PRKCB: variants seen among roughly 807,000 people sequenced by gnomAD.
PRKCB encodes protein kinase C beta type.
A neutral mutation model predicts 81.5 loss-of-function variants in PRKCB; 13 were observed. The observed-to-expected ratio is 0.16, with a 90% confidence interval of 0.10 to 0.25. The LOEUF is 0.25. Ranked by LOEUF, PRKCB falls within the 10% of genes least tolerant of loss-of-function variation. The pLI, the probability that PRKCB is intolerant of heterozygous loss-of-function variation, is 1.00. For missense variants in PRKCB, 509 were observed against 875.7 expected, an observed-to-expected ratio of 0.58 and a Z score of 5.29; for synonymous variants, 335 against 321.4, an observed-to-expected ratio of 1.04 and a Z score of -0.45.
At chr16:23,994,150 C>A (rs530807086) in intron 3 of PRKCB, among the ~76,000 whole-genome samples, 2 of 152,272 alleles carry the variant, frequency 1.3e-5, no homozygotes, top group East Asian at 1.9e-4. Flanking sequence ...AATGATGAGA[C>A]CTTTTGGGGA....
intron 16 of PRKCB, among the ~76,000 whole-genome samples, chr16:24,205,083 G>A (rs961974992): frequency 1.3e-5 from 2 of 150,464 alleles, no homozygotes; most frequent in South Asian, 4.2e-4. Context: ...TCGTGCCACT[G>A]CACACCAGCC....
intron 5 of PRKCB, among the ~76,000 whole-genome samples, chr16:24,040,040 G>T (rs773791284): frequency 1.3e-5 from 2 of 152,180 alleles, no homozygotes; most frequent in South Asian, 4.1e-4. Flanking sequence ...ATCAGCCCAG[G>T]ACACTGCCGT....
At chr16:24,175,889 T>G (rs1387108103) in intron 12 of PRKCB, among the ~76,000 whole-genome samples, 3 of 150,936 alleles carry the variant, frequency 2.0e-5, no homozygotes, top group Non-Finnish European at 4.4e-5. Flanking sequence ...GGAGGATCAA[T>G]TGAGCCCAGG....
chr16:23,925,177 G>A (rs982674499), intron 2 of PRKCB, among the ~76,000 whole-genome samples: 12 of 152,122 alleles, frequency 7.9e-5, no homozygotes, highest in African/African-American at 2.9e-4. Flanking sequence ...AGGAAAGAGA[G>A]AATGGGATGG....
At chr16:23,854,519 G>A (rs1420150369) in intron 2 of PRKCB, among the ~76,000 whole-genome samples, 4 of 152,082 alleles carry the variant, frequency 2.6e-5, no homozygotes, top group East Asian at 3.9e-4. Flanking sequence ...GGACAACTGG[G>A]GCCTCTCTTC....
intron 3 of PRKCB, among the ~76,000 whole-genome samples, chr16:24,007,784 AG>A (rs1384909437): frequency 7.5e-4 from 114 of 152,328 alleles, no homozygotes; most frequent in African/African-American, 2.5e-3. Flanking sequence ...TAATTTCTGG[AG>A]CCTGCAGGCC....
chr16:23,890,786 A>G (rs1433177990), intron 2 of PRKCB, among the ~76,000 whole-genome samples: 1 of 152,170 alleles, frequency 6.6e-6, no homozygotes, highest in African/African-American at 2.4e-5. Flanking sequence ...TTCAGAAACA[A>G]CAACCTTTCT....
chr16:24,086,558 T>C (rs1966313180), intron 5 of PRKCB, among the ~76,000 whole-genome samples: 1 of 152,216 alleles, frequency 6.6e-6, no homozygotes, highest in Non-Finnish European at 1.5e-5. Context: ...CCAATTACCC[T>C]ATAAACTCTT....
chr16:23,951,065 A>G (rs908874882), intron 2 of PRKCB, among the ~76,000 whole-genome samples: 2 of 151,766 alleles, frequency 1.3e-5, no homozygotes, highest in Non-Finnish European at 2.9e-5. Context: ...ATATAAGAAC[A>G]CTCTGCAGCT....
intron 2 of PRKCB, among the ~76,000 whole-genome samples, chr16:23,850,985 G>T (rs1962462593): frequency 6.6e-6 from 1 of 152,110 alleles, no homozygotes; most frequent in African/African-American, 2.4e-5. Context: ...CTATTGAGTT[G>T]TTTGAGTTCT....
At chr16:23,988,933 G>T (rs989261407) in intron 3 of PRKCB, among the ~76,000 whole-genome samples, 6 of 152,006 alleles carry the variant, frequency 3.9e-5, no homozygotes, top group African/African-American at 1.4e-4. Context: ...CACTTTGTTA[G>T]GGTGTTCTTT....
chr16:24,174,601 T>C, intron 12 of PRKCB, 21 bp downstream of exon 12: 2 of 1,591,804 alleles, frequency 1.3e-6, no homozygotes, highest in Non-Finnish European at 1.7e-6. Context: ...ACTGCTGTAC[T>C]TTCCATCTCT....
At chr16:23,924,190 C>T (rs1001625787) in intron 2 of PRKCB, among the ~76,000 whole-genome samples, 25 of 151,824 alleles carry the variant, frequency 1.6e-4, no homozygotes, top group African/African-American at 6.0e-4. Context: ...TAAGGGGCTC[C>T]TCCCCCTTCA....
intron 2 of PRKCB, among the ~76,000 whole-genome samples, chr16:23,945,876 A>T (rs963674917): frequency 2.0e-5 from 3 of 152,178 alleles, no homozygotes; most frequent in Non-Finnish European, 4.4e-5. Context: ...CTGAACACAG[A>T]GTAGGGAAGA....
At chr16:23,908,495 T>A (rs1963598342) in intron 2 of PRKCB, among the ~76,000 whole-genome samples, 1 of 151,800 alleles carries the variant, frequency 6.6e-6, no homozygotes, top group South Asian at 2.1e-4. Context: ...AACTCAGGAG[T>A]GCCTTGGGTG....
rs1209350974 is a variant in PRKCB at position 23,960,354 on chromosome 16, T to C, written c.206-28154T>C. On this transcript the variant is annotated intron_variant, in intron 2 of 16. Coordinates refer to ENST00000643927, the MANE Select transcript of PRKCB (RefSeq NM_002738.7). ...CCTCTTCCCTCCCACCCTTGAGATG[T>C]AATCTTTGGACCACTTTTACTTCTT... 3.9e-5 allele frequency among the ~76,000 whole-genome samples: 6 copies of C among 152,028 alleles called. No individual in the cohort carries two copies. The East Asian group carries it at 1.2e-3, about 29-fold the overall frequency.
At chr16:24,031,856 T>C in intron 3 of PRKCB, 1 of 293,126 alleles carries the variant, frequency 3.4e-6, no homozygotes, top group Admixed American at 5.1e-5. Flanking sequence ...GCCTGTAGGT[T>C]GAGTTCCCAG....
intron 3 of PRKCB, among the ~76,000 whole-genome samples, chr16:24,016,137 GGTT>G (rs1337274369): frequency 1.3e-5 from 2 of 151,910 alleles, no homozygotes; most frequent in Non-Finnish European, 2.9e-5. Context: ...CTCCCCCTAG[GGTT>G]GTTGTTCCTA....
In PRKCB at chr16:24,215,655, AAAG is replaced by A. The variant is rs1003224889; in HGVS notation, c.*842_*844del. On this transcript the variant is annotated 3_prime_UTR_variant, in exon 17 of 17. Transcript: ENST00000643927. Reference sequence around the variant, plus strand: ...GTTCAAATGCAAAAAAAAGAAAAAAAAAGAAAAAAAAAGGTGACTCACATTGTT... The same window carrying A: ...GTTCAAATGCAAAAAAAAGAAAAAAAAAAAAAAAAGGTGACTCACATTGTT... 5.1e-6 allele frequency: 5 copies of A among 980,590 alleles called. No individual in the cohort carries two copies. The African/African-American group carries it at 8.8e-5, about 17-fold the overall frequency. 60.7% of individuals were successfully genotyped at this position (980,590 alleles called of 1,614,324 possible). A position where few individuals can be genotyped will look rare whatever the true frequency, so the allele number is the denominator to read the frequency against.
Sources: gnomAD v4.1 joint callset for allele counts (sites outside exome capture counted in the v4.1 genomes callset) on GRCh38, gnomAD v4.1.1 for gene constraint, MANE v1.5 for transcripts, NCBI Gene and HGNC (gene_info 2026-07-23, HGNC 2026-07-21) for gene names.